EPHA5: variants seen among roughly 807,000 people sequenced by gnomAD.
EPHA5 encodes ephrin type-A receptor 5.
A neutral mutation model predicts 105.0 loss-of-function variants in EPHA5; 60 were observed. The observed-to-expected ratio is 0.57, with a 90% CI of 0.46 to 0.71. EPHA5 has a LOEUF of 0.71. EPHA5 is among the 30% of genes least tolerant of loss of function. The probability of loss-of-function intolerance (pLI) is 0.00; values close to 1 mark genes in which losing one functional copy is unlikely to be tolerated. For missense variants in EPHA5, 1,218 were observed against 1,274.7 expected (o/e 0.96, Z 0.68); for synonymous variants, 513 against 449.1 (o/e 1.14, Z -1.80).
intron 5 of EPHA5, among the ~76,000 whole-genome samples, chr4:65,470,729 C>G (rs1165381554): frequency 6.6e-6 from 1 of 152,056 alleles, no homozygotes; most frequent in Non-Finnish European, 1.5e-5. Context: ...AATTTAAGGT[C>G]ACTATCAATT....
At chr4:65,372,479 C>A (rs1577946153) in intron 8 of EPHA5, among the ~76,000 whole-genome samples, 1 of 151,760 alleles carries the variant, frequency 6.6e-6, no homozygotes, top group African/African-American at 2.4e-5. Flanking sequence ...TTTATATTTT[C>A]CTCATTTATA....
chr4:65,422,902 A>T (rs2149043096), intron 5 of EPHA5, among the ~76,000 whole-genome samples: 1 of 152,178 alleles, frequency 6.6e-6, no homozygotes, highest in East Asian at 1.9e-4. Context: ...AGCACATTAT[A>T]TCTGTCACAA....
At chr4:65,330,264 C>A (rs34113823) in intron 16 of EPHA5, among the ~76,000 whole-genome samples, 13,360 of 150,810 alleles carry the variant, frequency 0.089, 710 homozygotes, top group Admixed American at 0.14. Flanking sequence ...TATGAGAAGA[C>A]ATAAGAGGTT....
rs115959668 is a variant in EPHA5 at position 65,403,859 on chromosome 4, C to T, written c.1793+515G>A. Among the ~76,000 whole-genome samples the T allele has an allele frequency of 5.8e-3, 876 of 152,128 alleles. 3 individuals carry two copies. Among genetic ancestry groups the T allele is most frequent in the Non-Finnish European group, 0.01 (687 of 67,988 alleles). ...TATTCAGGTTGAAATCACTTAGAAGCTGAAAATAAAAGTGGTCAGTGAAAA... is the reference window on the plus strand; with the variant it reads ...TATTCAGGTTGAAATCACTTAGAAGTTGAAAATAAAAGTGGTCAGTGAAAA... On this transcript the variant is annotated intron_variant, in intron 8 of 16. Coordinates refer to ENST00000613740, the MANE Select transcript of EPHA5 (RefSeq NM_001281766.3).
intron 8 of EPHA5, among the ~76,000 whole-genome samples, chr4:65,395,820 C>T (rs933674573): frequency 1.3e-5 from 2 of 152,212 alleles, no homozygotes; most frequent in Non-Finnish European, 2.9e-5. Flanking sequence ...AACATCATAG[C>T]ATTAAACTCA....
intron 14 of EPHA5, among the ~76,000 whole-genome samples, chr4:65,347,730 T>G (rs1174789953): frequency 6.6e-6 from 1 of 152,190 alleles, no homozygotes; most frequent in African/African-American, 2.4e-5. Flanking sequence ...AAAACTTGCC[T>G]GTCAGTATTC....
chr4:65,332,746 T>G (rs1017609836), intron 15 of EPHA5, among the ~76,000 whole-genome samples: 1 of 151,810 alleles, frequency 6.6e-6, no homozygotes, highest in Admixed American at 6.6e-5. Flanking sequence ...TGTCATGTAG[T>G]GATTTAGATA....
Position 65,323,862 on chromosome 4 carries a change from A to G in EPHA5, c.*252T>C, listed in dbSNP as rs955938208. On this transcript the variant is annotated 3_prime_UTR_variant, in exon 17 of 17. Coordinates refer to ENST00000613740, the MANE Select transcript of EPHA5 (RefSeq NM_001281766.3). ...GTAGTGGGAAGGATTCTGTTGTTGT[A>G]ACTTAAGATGATGTCTAACTTCATG... 1 of 313,566 alleles carries G rather than the reference A, an allele frequency of 3.2e-6. No individual in the cohort carries two copies. The highest frequency in any genetic ancestry group is 7.6e-5 in the South Asian group (1 of 13,234). The allele number at this position is 313,566 out of a possible 1,614,324, so 19.4% of individuals were successfully genotyped here.
chr4:65,523,911 G>A (rs1734996038), intron 3 of EPHA5, among the ~76,000 whole-genome samples: 2 of 151,818 alleles, frequency 1.3e-5, no homozygotes, highest in Admixed American at 1.3e-4. Flanking sequence ...CAAGAGTGAA[G>A]GTTATTAAGC....
intron 5 of EPHA5, among the ~76,000 whole-genome samples, chr4:65,484,524 C>A (rs565343979): frequency 6.6e-6 from 1 of 152,220 alleles, no homozygotes; most frequent in South Asian, 2.1e-4. Context: ...ATTTTGCTAC[C>A]CATAGCATGT....
At chr4:65,630,243 C>T (rs534752553) in intron 2 of EPHA5, among the ~76,000 whole-genome samples, 3 of 152,238 alleles carry the variant, frequency 2.0e-5, no homozygotes, top group Admixed American at 1.3e-4. Context: ...TGGTGATCAG[C>T]AGCTTCCCTA....
chr4:65,348,967 T>A (rs1056139821), intron 13 of EPHA5, among the ~76,000 whole-genome samples: 1 of 150,350 alleles, frequency 6.7e-6, no homozygotes, highest in Non-Finnish European at 1.5e-5. Context: ...AGATGTGCGC[T>A]ATCATGCCTG....
At chr4:65,465,524 AAAGAAAAGAAAGGAAAGGAAGGAAAGG>A (rs1234227144) in intron 5 of EPHA5, among the ~76,000 whole-genome samples, 90 of 89,082 alleles carry the variant, frequency 1.0e-3, no homozygotes, top group African/African-American at 1.2e-3. Context: ...AGAAAGAAAG[AAAGAAAAGAAAGGAAAGGAAGGAAAGG>A]AAGGAAAGGA....
chr4:65,350,370 A>T (rs1349447), intron 13 of EPHA5, among the ~76,000 whole-genome samples: 49,677 of 126,008 alleles, frequency 0.39, 8,822 homozygotes, highest in South Asian at 0.56. Flanking sequence ...AAAATGTTTT[A>T]AAAAAAAAAC....
At chr4:65,465,507 GA>G (rs1321742015) in intron 5 of EPHA5, among the ~76,000 whole-genome samples, 1 of 98,506 alleles carries the variant, frequency 1.0e-5, no homozygotes. Context: ...AAGAAAGAAA[GA>G]AAGAAAGAAA....
intron 1 of EPHA5, among the ~76,000 whole-genome samples, chr4:65,668,202 A>T (rs969796744): frequency 6.6e-6 from 1 of 152,058 alleles, no homozygotes; most frequent in Non-Finnish European, 1.5e-5. Context: ...CTGCTTTCAC[A>T]CCCTTCCTTT....
chr4:65,369,051 C>T (rs1718201480), intron 8 of EPHA5, among the ~76,000 whole-genome samples: 1 of 152,132 alleles, frequency 6.6e-6, no homozygotes, highest in Non-Finnish European at 1.5e-5. Context: ...TTTGAGTGCG[C>T]TTGTTGGCTT....
rs2149211801 is a variant in EPHA5, at chr4:65,490,360, T to C, written c.1402+17A>G. On this transcript the variant is annotated intron_variant, in intron 5 of 16. Transcript: ENST00000613740. ...ACTAGGCCTCACATACACAATTGGGTTGGGCATGGCACTTACCTGCTTGAT... is the reference window on the plus strand; with the variant it reads ...ACTAGGCCTCACATACACAATTGGGCTGGGCATGGCACTTACCTGCTTGAT... 1 of 1,607,162 alleles carries C rather than the reference T, an allele frequency of 6.2e-7. No individual in the cohort carries two copies. The highest frequency in any genetic ancestry group is 8.5e-7 in the Non-Finnish European group (1 of 1,174,640).
intron 3 of EPHA5, among the ~76,000 whole-genome samples, chr4:65,588,444 A>G (rs1223832619): frequency 6.6e-6 from 1 of 152,142 alleles, no homozygotes; most frequent in East Asian, 1.9e-4. Flanking sequence ...AGTGCAGATG[A>G]AAATAACTAT....
Sources: gnomAD v4.1 joint callset for allele counts (sites outside exome capture counted in the v4.1 genomes callset) on GRCh38, gnomAD v4.1.1 for gene constraint, MANE v1.5 for transcripts, NCBI Gene and HGNC (gene_info 2026-07-23, HGNC 2026-07-21) for gene names.